SHB: variants seen among roughly 807,000 people sequenced by gnomAD.
SHB encodes the protein SH2 domain-containing adapter protein B.
A neutral mutation model predicts 52.3 loss-of-function variants in SHB; 20 were observed. The observed-to-expected ratio is 0.38, with a 90% confidence interval of 0.27 to 0.56. The LOEUF (loss-of-function observed/expected upper bound fraction) is 0.56. Among genes scored for constraint, SHB ranks in the 20% least tolerant of loss-of-function variants. The probability of loss-of-function intolerance (pLI) is 0.71; values close to 1 mark genes in which losing one functional copy is unlikely to be tolerated. For synonymous variants in SHB, 397 were observed against 316.5 expected (o/e 1.25, Z -2.70); for missense variants, 825 against 723.3 (o/e 1.14, Z -1.61).
Position 37,948,664 on chromosome 9 carries a change from G to A in SHB, c.1317C>T (p.Thr439=). The A allele has an allele frequency of 6.2e-7, 1 of 1,613,902 alleles. No individual in the cohort carries two copies. The highest frequency in any genetic ancestry group is 8.5e-7 in the Non-Finnish European group (1 of 1,180,020). The stretch of plus-strand genomic sequence containing the variant: ...GGGAGAGGGAGTAGTCATGCTTGCT[G>A]GTCTGGCTGTTCCGGACAAGGTAGC... ...ECSYLVRNSQ[T]SKHDYSLSLR... is the part of the protein sequence containing the mutation. The change falls in exon 5 of 6, where the codon ACC becomes ACT. Residue 439 remains threonine (T), a synonymous_variant. Transcript: ENST00000377707.
intron 1 of SHB, among the ~76,000 whole-genome samples, chr9:38,050,932 A>C (rs1466386605): frequency 6.6e-6 from 1 of 152,224 alleles, no homozygotes; most frequent in African/African-American, 2.4e-5. Flanking sequence ...TTCACTCCTC[A>C]ACCACTGACT....
intron 2 of SHB, among the ~76,000 whole-genome samples, chr9:38,005,895 G>A (rs1821071229): frequency 6.6e-6 from 1 of 152,066 alleles, no homozygotes; most frequent in African/African-American, 2.4e-5. Flanking sequence ...TTCTCATGGT[G>A]GCCCCCAGGT....
Position 37,918,050 on chromosome 9 carries a change from G to A in SHB, c.*1771C>T, listed in dbSNP as rs1832123941. On this transcript the variant is annotated 3_prime_UTR_variant, in exon 6 of 6. Transcript: ENST00000377707. Reference sequence around the variant, plus strand: ...GTCTCTGCATGTGAACAGTGAGCTGGAACCACCTCCAAACAGTCTCTAAAG... The same window carrying A: ...GTCTCTGCATGTGAACAGTGAGCTGAAACCACCTCCAAACAGTCTCTAAAG... 6.6e-6 allele frequency among the ~76,000 whole-genome samples: 1 copy of A among 152,198 alleles called. No homozygotes were observed. The highest frequency in any genetic ancestry group is 1.5e-5 in the Non-Finnish European group (1 of 68,036).
At chr9:38,042,057 G>A (rs1207049582) in intron 1 of SHB, among the ~76,000 whole-genome samples, 3 of 152,272 alleles carry the variant, frequency 2.0e-5, no homozygotes, top group Admixed American at 6.5e-5. Context: ...CGGGGGAAAC[G>A]TGCCGACGTC....
At chr9:37,977,778 C>T (rs1820673038) in intron 2 of SHB, among the ~76,000 whole-genome samples, 1 of 152,214 alleles carries the variant, frequency 6.6e-6, no homozygotes, top group Non-Finnish European at 1.5e-5. Flanking sequence ...ATTCTGGGGG[C>T]TGAGGATACG....
intron 2 of SHB, among the ~76,000 whole-genome samples, chr9:37,994,322 G>T (rs950248629): frequency 6.6e-6 from 1 of 152,180 alleles, no homozygotes; most frequent in Non-Finnish European, 1.5e-5. Context: ...GAAGAGCACC[G>T]TGCATATAAA....
intron 4 of SHB, among the ~76,000 whole-genome samples, chr9:37,949,902 C>G (rs1174995055): frequency 6.6e-6 from 1 of 152,210 alleles, no homozygotes; most frequent in Non-Finnish European, 1.5e-5. Context: ...CGACTCATCC[C>G]TCATCTCCCA....
intron 1 of SHB, among the ~76,000 whole-genome samples, chr9:38,019,815 A>T (rs2118086324): frequency 6.6e-6 from 1 of 152,316 alleles, no homozygotes; most frequent in Non-Finnish European, 1.5e-5. Context: ...ACCCGAAACT[A>T]CTGCATCCAT....
intron 4 of SHB, among the ~76,000 whole-genome samples, chr9:37,950,455 T>G (rs557713670): frequency 6.6e-6 from 1 of 152,330 alleles, no homozygotes; most frequent in Admixed American, 6.5e-5. Context: ...CTGGAAGAGC[T>G]GACGGTAAAA....
At chr9:37,928,010 G>A (rs1016156558) in intron 5 of SHB, among the ~76,000 whole-genome samples, 21 of 151,406 alleles carry the variant, frequency 1.4e-4, no homozygotes, top group African/African-American at 4.4e-4. Context: ...CCTGTGTGTC[G>A]GAAATTATTT....
intron 2 of SHB, among the ~76,000 whole-genome samples, chr9:37,998,391 G>A (rs1486800651): frequency 6.6e-6 from 1 of 152,134 alleles, no homozygotes; most frequent in African/African-American, 2.4e-5. Context: ...CCAGATACAT[G>A]GTCTCTGCAT....
chr9:38,054,021 T>C (rs1215279048), intron 1 of SHB, among the ~76,000 whole-genome samples: 1 of 151,982 alleles, frequency 6.6e-6, no homozygotes, highest in African/African-American at 2.4e-5. Flanking sequence ...GAGTGAATGG[T>C]CAGGAAACAC....
At chr9:37,937,329 G>A (rs1384512068) in intron 5 of SHB, among the ~76,000 whole-genome samples, 2 of 152,132 alleles carry the variant, frequency 1.3e-5, no homozygotes, top group Non-Finnish European at 1.5e-5. Flanking sequence ...GCAGAGTGTG[G>A]ATTTTCCAAA....
intron 5 of SHB, among the ~76,000 whole-genome samples, chr9:37,948,046 T>C (rs911693183): frequency 4.1e-4 from 62 of 152,292 alleles, no homozygotes; most frequent in Admixed American, 1.6e-3. Flanking sequence ...GCCTCACAGG[T>C]CAGAAAGACC....
At chr9:38,002,601 C>T (rs60334368) in intron 2 of SHB, among the ~76,000 whole-genome samples, 3,324 of 152,276 alleles carry the variant, frequency 0.022, 111 homozygotes, top group African/African-American at 0.076. Flanking sequence ...CCTCCTCCCA[C>T]ACCCTCCTCA....
intron 4 of SHB, among the ~76,000 whole-genome samples, chr9:37,950,233 A>T (rs11789061): frequency 6.6e-6 from 1 of 151,240 alleles, no homozygotes; most frequent in Non-Finnish European, 1.5e-5. Flanking sequence ...CATTGCATCC[A>T]GCCTGATTTT....
chr9:38,059,018 C>T (rs1348236732), intron 1 of SHB, among the ~76,000 whole-genome samples: 1 of 152,238 alleles, frequency 6.6e-6, no homozygotes, highest in African/African-American at 2.4e-5. Flanking sequence ...AGAGCAAGCT[C>T]AGGGGAGCAT....
chr9:37,953,411 T>C (rs1832589936), intron 4 of SHB, among the ~76,000 whole-genome samples: 2 of 151,858 alleles, frequency 1.3e-5, no homozygotes, highest in African/African-American at 4.8e-5. Flanking sequence ...GAGAGGAATG[T>C]TGAGTCAAGG....
chr9:38,028,748 C>T (rs750371417), intron 1 of SHB, among the ~76,000 whole-genome samples: 1 of 152,228 alleles, frequency 6.6e-6, no homozygotes, highest in African/African-American at 2.4e-5. Flanking sequence ...TTGACAAAAT[C>T]AGGTCTCAAA....
Sources: gnomAD v4.1 joint callset for allele counts (sites outside exome capture counted in the v4.1 genomes callset) on GRCh38, gnomAD v4.1.1 for gene constraint, MANE v1.5 for transcripts, NCBI Gene and HGNC (gene_info 2026-07-23, HGNC 2026-07-21) for gene names.